Variants in ACACA observed in about 807,000 individuals in gnomAD.
ACACA encodes the protein acetyl-CoA carboxylase 1.
In ACACA, 103 loss-of-function variants were observed where a neutral mutation model predicts 296.1. That is an observed-to-expected ratio of 0.35 (90% CI 0.30 to 0.41). The LOEUF (loss-of-function observed/expected upper bound fraction) is 0.41, where lower values mean the gene tolerates loss of function less well. ACACA is among the 10% of genes least tolerant of loss of function. ACACA has a pLI of 1.00. For synonymous variants in ACACA, 953 were observed against 1,038.6 expected (o/e 0.92, Z 1.58); for missense variants, 1,554 against 2,989.7 (o/e 0.52, Z 11.20).
At chr17:37,242,501 G>A (rs1343092515) in intron 22 of ACACA, among the ~76,000 whole-genome samples, 1 of 152,122 alleles carries the variant, frequency 6.6e-6, no homozygotes, top group Non-Finnish European at 1.5e-5. Context: ...GCCAAGGAGG[G>A]AGGATAGCTT....
At chr17:37,335,219 C>G (rs2048061563) in intron 2 of ACACA, among the ~76,000 whole-genome samples, 1 of 152,130 alleles carries the variant, frequency 6.6e-6, no homozygotes, top group African/African-American at 2.4e-5. Context: ...GCCCAAAACC[C>G]TACTAACTGT....
rs540116583 is a variant in ACACA at position 37,324,133 on chromosome 17, G to A, written c.338+6040C>T. 3.9e-5 allele frequency among the ~76,000 whole-genome samples: 6 copies of A among 152,230 alleles called. No homozygotes were observed. The South Asian group carries it at 8.3e-4, about 21-fold the overall frequency. Reference sequence around the variant, plus strand: ...TGTAATCTCAGCACTTTGGGAGGCCGAGGTGGGCAGATCACCTGAGGTCGG... The same window carrying A: ...TGTAATCTCAGCACTTTGGGAGGCCAAGGTGGGCAGATCACCTGAGGTCGG... On this transcript the variant is annotated intron_variant, in intron 3 of 55. Transcript: ENST00000616317.
chr17:37,142,753 A>G (rs1446611258), intron 45 of ACACA, among the ~76,000 whole-genome samples: 1 of 152,230 alleles, frequency 6.6e-6, no homozygotes. Context: ...TCACGACTGA[A>G]CATCGTGCCT....
rs757332167 is a variant in ACACA at position 37,088,946 on chromosome 17, T to C, written c.7020A>G (p.Gln2340=). The change falls in exon 55 of 56, where the codon CAA becomes CAG. Residue 2340 remains glutamine (Q), a synonymous_variant. Transcript: ENST00000616317. The part of the protein sequence containing the change: ...KCISRDYVLK[Q]IRSLVQANPE... ...CCCCACGTTGGTCTCACCTGCGGAT[T>C]TGCTTGAGGACGTAGTCTCTGCTGA... 58 of 1,614,220 alleles carry C rather than the reference T, an allele frequency of 3.6e-5. No homozygotes were observed. In the South Asian group the frequency reaches 5.4e-4, roughly 15 times the overall value.
chr17:37,284,123 G>A (rs1426624659), intron 4 of ACACA, among the ~76,000 whole-genome samples: 1 of 152,070 alleles, frequency 6.6e-6, no homozygotes, highest in Non-Finnish European at 1.5e-5. Flanking sequence ...TTTAATCACT[G>A]GAAGCTATTT....
At chr17:37,150,754 T>TAA (rs916921929) in intron 44 of ACACA, among the ~76,000 whole-genome samples, 3 of 151,270 alleles carry the variant, frequency 2.0e-5, no homozygotes, top group African/African-American at 7.3e-5. Context: ...CTCTGTCTCT[T>TAA]AAAAAAAAGG....
chr17:37,306,854 C>T (rs533769212), intron 3 of ACACA, among the ~76,000 whole-genome samples: 2 of 151,970 alleles, frequency 1.3e-5, no homozygotes, highest in East Asian at 3.9e-4. Flanking sequence ...ACCACCACAC[C>T]CAGGTAATTT....
At chr17:37,290,575 AC>A (rs2082999460) in intron 3 of ACACA, among the ~76,000 whole-genome samples, 1 of 152,122 alleles carries the variant, frequency 6.6e-6, no homozygotes, top group African/African-American at 2.4e-5. Context: ...GCCAGAAGTA[AC>A]AAAACAGATC....
chr17:37,334,306 C>A (rs2048012902), intron 2 of ACACA, among the ~76,000 whole-genome samples: 1 of 151,948 alleles, frequency 6.6e-6, no homozygotes, highest in African/African-American at 2.4e-5. Flanking sequence ...TTGCAGACAT[C>A]ATCTCCTTAG....
In ACACA at chr17:37,093,932, G is replaced by A. The variant is rs117530034; in HGVS notation, c.6891+3064C>T. ...CAGTAAATGACAAAGCTGGGATCCC[G>A]AAGTTTATGAGATTTCAAAACCCAC... On this transcript the variant is annotated intron_variant, in intron 54 of 55. Transcript: ENST00000616317. Among the ~76,000 whole-genome samples, 7 of 152,256 alleles carry A rather than the reference G, an allele frequency of 4.6e-5. No individual in the cohort carries two copies. In the East Asian group the frequency reaches 1.4e-3, roughly 29 times the overall value.
At chr17:37,359,411 G>C (rs1445093038) in intron 1 of ACACA, among the ~76,000 whole-genome samples, 1 of 99,854 alleles carries the variant, frequency 1.0e-5, no homozygotes, top group African/African-American at 6.8e-5. Flanking sequence ...CTAGAGGGCG[G>C]GCGGGCCGCG....
At chr17:37,276,316 C>CTA (rs1567926742) in intron 7 of ACACA, among the ~76,000 whole-genome samples, 1 of 152,126 alleles carries the variant, frequency 6.6e-6, no homozygotes, top group African/African-American at 2.4e-5. Context: ...ACAAATCTAG[C>CTA]TATAATGTTA....
chr17:37,207,623 C>G, intron 31 of ACACA, 34 bp downstream of exon 31: 1 of 1,613,022 alleles, frequency 6.2e-7, no homozygotes, highest in African/African-American at 1.3e-5. Flanking sequence ...GTCCATGGCT[C>G]CCCTTGTACA....
At chr17:37,383,098 TA>T (rs1360004421) in intron 1 of ACACA, among the ~76,000 whole-genome samples, 3 of 152,180 alleles carry the variant, frequency 2.0e-5, no homozygotes, top group African/African-American at 7.2e-5. Context: ...TAATGCAAAT[TA>T]ATTAAATCCA....
chr17:37,274,481 C>T (rs1287052419), intron 8 of ACACA, 182 bp from the exon 9 acceptor site: 7 of 559,578 alleles, frequency 1.3e-5, no homozygotes, highest in African/African-American at 2.1e-5. Context: ...CAGCATGACC[C>T]GGCAACTTGG....
At chr17:37,180,965 C>T (rs568941740) in intron 40 of ACACA, among the ~76,000 whole-genome samples, 39 of 152,338 alleles carry the variant, frequency 2.6e-4, no homozygotes, top group African/African-American at 9.4e-4. Flanking sequence ...TTACTCTCTC[C>T]TGTCTCCTAC....
At chr17:37,348,697 G>A (rs968971010) in intron 1 of ACACA, among the ~76,000 whole-genome samples, 6 of 151,888 alleles carry the variant, frequency 4.0e-5, no homozygotes, top group Admixed American at 6.6e-5. Context: ...AATGCTATAC[G>A]GGCGCGGTAA....
chr17:37,387,461 C>G (rs2050593293), intron 1 of ACACA: 1 of 148,524 alleles, frequency 6.7e-6, no homozygotes, highest in African/African-American at 2.5e-5. Flanking sequence ...TGTTTTTGTT[C>G]TTTAAGATGG....
chr17:37,332,937 A>G (rs2047951931), intron 2 of ACACA, among the ~76,000 whole-genome samples: 1 of 151,858 alleles, frequency 6.6e-6, no homozygotes, highest in South Asian at 2.1e-4. Flanking sequence ...AAGATTAATA[A>G]TTCCCAATTG....
Sources: allele counts gnomAD v4.1 joint callset (sites outside exome capture counted in the v4.1 genomes callset), GRCh38; gene constraint gnomAD v4.1.1; transcripts MANE v1.5; gene names NCBI Gene and HGNC (gene_info 2026-07-23, HGNC 2026-07-21).